The following RGS12 variants were observed in gnomAD, a reference collection of about 807,000 sequenced individuals.
RGS12 encodes regulator of G-protein signaling 12.
In RGS12, 66 loss-of-function variants were observed where a neutral mutation model predicts 120.1. The ratio of observed to expected loss-of-function variants is 0.55; its 90% CI spans 0.45 to 0.67. The LOEUF is 0.67. Among genes scored for constraint, RGS12 ranks in the 30% least tolerant of loss-of-function variants. The pLI is 0.00. For synonymous variants in RGS12, 827 were observed against 804.7 expected, an observed-to-expected ratio of 1.03 and a Z score of -0.47; for missense variants, 1,859 against 1,957.7, an observed-to-expected ratio of 0.95 and a Z score of 0.95.
At chr4:3,411,632 G>A (rs758827581) in intron 4 of RGS12, among the ~76,000 whole-genome samples, 1 of 152,226 alleles carries the variant, frequency 6.6e-6, no homozygotes, top group Non-Finnish European at 1.5e-5. Context: ...TCACTTCCCT[G>A]GTGACAGGAT....
At chr4:3,428,766 A>G (rs1723942138) in intron 16 of RGS12, 55 bp downstream of exon 16, 2 of 1,443,122 alleles carry the variant, frequency 1.4e-6, no homozygotes, top group African/African-American at 1.4e-5. Context: ...GTTAGTTTCC[A>G]GTATAGTCAG....
chr4:3,370,458 T>C, intron 3 of RGS12: 1 of 862,572 alleles, frequency 1.2e-6, no homozygotes, highest in South Asian at 1.6e-5. Context: ...GGTTTTCATG[T>C]GTCTGCACCA....
At chr4:3,296,020 C>T (rs1199748298) in intron 1 of RGS12, among the ~76,000 whole-genome samples, 1 of 152,186 alleles carries the variant, frequency 6.6e-6, no homozygotes, top group African/African-American at 2.4e-5. Flanking sequence ...TTGGCCCGCC[C>T]CAGTCAGCTT....
At chr4:3,412,989 G>C (rs1178303417) in intron 4 of RGS12, 1 of 148,840 alleles carries the variant, frequency 6.7e-6, no homozygotes, top group African/African-American at 2.5e-5. Flanking sequence ...AGGGACGGGG[G>C]CGCCCCCACA....
At chr4:3,422,617 C>A in intron 11 of RGS12, 47 bp downstream of exon 11, 1 of 1,565,406 alleles carries the variant, frequency 6.4e-7, no homozygotes, top group Non-Finnish European at 8.7e-7. Flanking sequence ...CCATGACCTC[C>A]CCGCTCCCTG....
chr4:3,391,585 C>T, intron 4 of RGS12, among the ~76,000 whole-genome samples: 2 of 152,328 alleles, frequency 1.3e-5, no homozygotes, highest in South Asian at 2.1e-4. Flanking sequence ...CCTTCCCACT[C>T]CAAGGGAGTT....
intron 17 of RGS12, among the ~76,000 whole-genome samples, chr4:3,434,599 A>G (rs917625974): frequency 1.3e-5 from 2 of 152,152 alleles, no homozygotes; most frequent in African/African-American, 4.8e-5. Context: ...CGCCTTTAGC[A>G]GTCATCTTCC....
At chr4:3,369,667 A>C (rs1716761816) in intron 3 of RGS12, among the ~76,000 whole-genome samples, 1 of 152,226 alleles carries the variant, frequency 6.6e-6, no homozygotes, top group Admixed American at 6.5e-5. Context: ...ATGATTTTGC[A>C]GTGATCCCTA....
chr4:3,288,546 G>C (rs116028648), upstream of RGS12, among the ~76,000 whole-genome samples: 1,588 of 152,270 alleles, frequency 0.01, 24 homozygotes, highest in African/African-American at 0.031. This position sits in a 1 kb window ranked among gnomAD's most constrained non-coding sequence, Gnocchi z 5.2. Context: ...CAACTCTCTC[G>C]GGAGGACAGA....
At chr4:3,341,001 C>T (rs1160931494) in intron 2 of RGS12, among the ~76,000 whole-genome samples, 1 of 151,766 alleles carries the variant, frequency 6.6e-6, no homozygotes, top group Admixed American at 6.6e-5. Context: ...TGGGCATCGC[C>T]ACTTTCAGGA....
At chr4:3,319,513 C>T (rs1268889273) in intron 2 of RGS12, among the ~76,000 whole-genome samples, 2 of 152,196 alleles carry the variant, frequency 1.3e-5, no homozygotes, top group African/African-American at 4.8e-5. Flanking sequence ...ACTGCAGCCC[C>T]TGCTCCTGGG....
rs191906364 is a variant in RGS12 at position 3,360,058 on chromosome 4, C to T, written c.1998+17005C>T. ...TACAGGCTTGAGCCACTGCGCCTGGCGAGATTTTCTGTTTCTTTATGATTT... is the reference window on the plus strand; with the variant it reads ...TACAGGCTTGAGCCACTGCGCCTGGTGAGATTTTCTGTTTCTTTATGATTT... On this transcript the variant is annotated intron_variant, in intron 3 of 17. Transcript: ENST00000336727. 2.3e-4 allele frequency among the ~76,000 whole-genome samples: 35 copies of T among 152,252 alleles called. No individual in the cohort carries two copies. In the South Asian group the frequency reaches 3.5e-3, roughly 15 times the overall value.
chr4:3,315,646 T>A (rs1724689187), intron 1 of RGS12, among the ~76,000 whole-genome samples: 1 of 152,226 alleles, frequency 6.6e-6, no homozygotes, highest in Non-Finnish European at 1.5e-5. Flanking sequence ...AGGCCTTGCT[T>A]CTCACGCTTG....
At chr4:3,327,898 C>T (rs1725670108) in intron 2 of RGS12, among the ~76,000 whole-genome samples, 1 of 152,176 alleles carries the variant, frequency 6.6e-6, no homozygotes, top group South Asian at 2.1e-4. Context: ...TCTGTCTACC[C>T]ATAGGAAAAG....
chr4:3,421,967 C>T (rs191703812), intron 10 of RGS12, among the ~76,000 whole-genome samples: 11 of 152,310 alleles, frequency 7.2e-5, no homozygotes, highest in Non-Finnish European at 1.5e-4. Context: ...GTCCAGGCGA[C>T]GTTTCCATTG....
At chr4:3,286,974 AT>A in the RGS12 span, among the ~76,000 whole-genome samples, 2 of 152,124 alleles carry the variant, frequency 1.3e-5, no homozygotes, top group Non-Finnish European at 2.9e-5. Flanking sequence ...CCTGGCTATG[AT>A]GGTGATCTGG....
At chr4:3,302,378 G>A (rs1410752446) in intron 1 of RGS12, among the ~76,000 whole-genome samples, 1 of 152,096 alleles carries the variant, frequency 6.6e-6, no homozygotes, top group African/African-American at 2.4e-5. Context: ...GTTGTGGTCT[G>A]GGGTGGGTGG....
At position 3,422,580 on chromosome 4, in the gene RGS12, C is replaced by T. The variant is rs1723135662; in HGVS notation, c.3033+10C>T. On this transcript the variant is annotated intron_variant, in intron 11 of 17. Transcript: ENST00000336727. ...GGTGGGCGGGGACAAGGTACTGGGC[C>T]CGCCTGACCCTCGTGCTGCCCTCAG... 5.6e-6 allele frequency: 9 copies of T among 1,607,726 alleles called. No individual in the cohort carries two copies. In the East Asian group the frequency reaches 1.8e-4, roughly 32 times the overall value.
At chr4:3,430,067 C>A (rs1174468241) in intron 16 of RGS12, among the ~76,000 whole-genome samples, 1 of 152,220 alleles carries the variant, frequency 6.6e-6, no homozygotes, top group African/African-American at 2.4e-5. Context: ...AATTGAAAGC[C>A]CAGGCCAGAG....
Sources: allele counts gnomAD v4.1 joint callset (sites outside exome capture counted in the v4.1 genomes callset), GRCh38; gene constraint gnomAD v4.1.1; non-coding constraint Gnocchi (gnomAD v3.1); transcripts MANE v1.5; gene names NCBI Gene and HGNC (gene_info 2026-07-23, HGNC 2026-07-21).